RIN3: variants seen among roughly 807,000 people sequenced by gnomAD.
RIN3 encodes Ras and Rab interactor 3, also known as RAB5 interacting protein 3.
Under a neutral mutation model 76.3 loss-of-function variants are expected in RIN3, and 54 were observed. The observed-to-expected ratio is 0.71, with a 90% CI of 0.57 to 0.89. The LOEUF (loss-of-function observed/expected upper bound fraction) is 0.89. Among genes scored for constraint, RIN3 ranks in the 40% least tolerant of loss-of-function variants. RIN3 has a pLI of 0.00. For synonymous variants in RIN3, 576 were observed against 564.0 expected, an observed-to-expected ratio of 1.02 and a Z score of -0.30; for missense variants, 1,256 against 1,322.1, an observed-to-expected ratio of 0.95 and a Z score of 0.78.
chr14:92,659,445 G>C lies in RIN3; in HGVS notation c.2311G>C (p.Asp771His). ...ILLKTCKLIY[D>H]SMALGNPGKP... ...GCTCAAGACCTGCAAACTCATCTAC[G>C]ACTCCATGGCCCTCGGCAACCCAGG... is the stretch of plus-strand genomic sequence containing the variant. The change falls in exon 7 of 10, where the codon GAC (aspartate) becomes CAC (histidine). Residue 771 changes from aspartate (D) to histidine (H), a missense_variant. This residue lies in a region of RIN3 where 428 missense variants were observed against 521.2 expected (regional missense o/e 0.82). Coordinates refer to ENST00000216487, the MANE Select transcript of RIN3 (RefSeq NM_024832.5). The C allele has an allele frequency of 6.2e-7, 1 of 1,610,020 alleles. No individual in the cohort carries two copies. Among genetic ancestry groups the C allele is most frequent in the Non-Finnish European group, 8.5e-7 (1 of 1,177,846 alleles).
At chr14:92,562,486 C>T (rs1897804021) in intron 2 of RIN3, among the ~76,000 whole-genome samples, 1 of 152,180 alleles carries the variant, frequency 6.6e-6, no homozygotes. Flanking sequence ...AGAGATTTGC[C>T]TCTTCTCTCC....
At chr14:92,527,073 CAG>C (rs1171090429) in intron 1 of RIN3, among the ~76,000 whole-genome samples, 1 of 119,708 alleles carries the variant, frequency 8.4e-6, no homozygotes, top group Non-Finnish European at 1.6e-5. Context: ...TTTTTTGAGA[CAG>C]AGTCTCGCTC....
intron 3 of RIN3, among the ~76,000 whole-genome samples, chr14:92,607,959 G>A (rs907527173): frequency 6.6e-6 from 1 of 152,252 alleles, no homozygotes; most frequent in African/African-American, 2.4e-5. Flanking sequence ...TATGATGTTT[G>A]TGAAATAATG....
At chr14:92,605,983 T>G (rs988223715) in intron 3 of RIN3, among the ~76,000 whole-genome samples, 1 of 152,104 alleles carries the variant, frequency 6.6e-6, no homozygotes, top group African/African-American at 2.4e-5. Context: ...TATTTTATTC[T>G]TAAATATTGG....
rs1317356710 is a variant in RIN3, at chr14:92,681,756, C to A, written c.2468-3231C>A. Among the ~76,000 whole-genome samples, 1 of 152,194 alleles carries A rather than the reference C, an allele frequency of 6.6e-6. No homozygotes were observed. The highest frequency in any genetic ancestry group is 2.4e-5 in the African/African-American group (1 of 41,430). ...GGGGGCACCAGAGCCGACTTCCTGG[C>A]CTGGGGCTTTAAACCTAACTTAAAA... On this transcript the variant is annotated intron_variant, in intron 8 of 9. Coordinates refer to ENST00000216487, the MANE Select transcript of RIN3 (RefSeq NM_024832.5). This position sits in a 1 kb window ranked among gnomAD's most constrained non-coding sequence, Gnocchi z 4.7.
intron 1 of RIN3, among the ~76,000 whole-genome samples, chr14:92,543,612 CTTTTGCTTTTTTT>C (rs1289608066): frequency 7.6e-6 from 1 of 131,670 alleles, no homozygotes; most frequent in Non-Finnish European, 1.6e-5. Context: ...CACATCAAGG[CTTTTGCTTTTTTT>C]TTTTTTTTTT....
At chr14:92,526,677 T>A (rs1048771098) in intron 1 of RIN3, among the ~76,000 whole-genome samples, 2 of 151,700 alleles carry the variant, frequency 1.3e-5, no homozygotes, top group Admixed American at 1.3e-4. Context: ...CGCTTGAACC[T>A]GGGAGGCAGA....
intron 3 of RIN3, among the ~76,000 whole-genome samples, chr14:92,597,654 C>T (rs1242479797): frequency 6.6e-6 from 1 of 152,126 alleles, no homozygotes; most frequent in Non-Finnish European, 1.5e-5. Flanking sequence ...TACTGGATTT[C>T]TGTTAGTTCT....
At chr14:92,615,531 T>G (rs552723241) in intron 4 of RIN3, 52 bp downstream of exon 4, 3 of 1,486,184 alleles carry the variant, frequency 2.0e-6, no homozygotes, top group African/African-American at 1.4e-5. Context: ...AAACATCACA[T>G]GCAACCCTGG....
chr14:92,604,324 G>T (rs556873713), intron 3 of RIN3, among the ~76,000 whole-genome samples: 1 of 152,340 alleles, frequency 6.6e-6, no homozygotes, highest in East Asian at 1.9e-4. Context: ...TTTCCTGTCA[G>T]GGACCCAGCT....
intron 4 of RIN3, among the ~76,000 whole-genome samples, chr14:92,616,702 G>A (rs1885982727): frequency 6.6e-6 from 1 of 152,210 alleles, no homozygotes. Flanking sequence ...TTGATGGGCA[G>A]GGTTGGTGTA....
At chr14:92,553,328 G>A (rs1375269601) in intron 1 of RIN3, among the ~76,000 whole-genome samples, 1 of 152,162 alleles carries the variant, frequency 6.6e-6, no homozygotes, top group Non-Finnish European at 1.5e-5. Context: ...GTTTCCAAGT[G>A]GGGTTAGAGG....
In RIN3 at chr14:92,594,068, G is replaced by A. The variant is rs190128871; in HGVS notation, c.367+16591G>A. Among the ~76,000 whole-genome samples, 31 of 152,140 alleles carry A rather than the reference G, an allele frequency of 2.0e-4. No individual in the cohort carries two copies. The East Asian group carries it at 4.4e-3, about 22-fold the overall frequency. On this transcript the variant is annotated intron_variant, in intron 3 of 9. Coordinates refer to ENST00000216487, the MANE Select transcript of RIN3 (RefSeq NM_024832.5). ...ATAACAGAATGCACATTCTTTTGAA[G>A]CCCACCTGGAACATTCACCAAGATA...
At position 92,623,504 on chromosome 14, in the gene RIN3, C is replaced by T. The variant is rs1030371241; in HGVS notation, c.440+8025C>T. 2.6e-5 allele frequency among the ~76,000 whole-genome samples: 4 copies of T among 152,180 alleles called. No individual in the cohort carries two copies. Among genetic ancestry groups the T allele is most frequent in the Admixed American group, 6.5e-5 (1 of 15,286 alleles). On this transcript the variant is annotated intron_variant, in intron 4 of 9. Transcript: ENST00000216487. This position sits in a 1 kb window ranked among gnomAD's most constrained non-coding sequence, Gnocchi z 4.9. ...TTCAAATCCTGCAGCTACTGGGTCT[C>T]GGGCTTTGAATCTATCAGGTACCCC...
chr14:92,604,971 C>G (rs541994983), intron 3 of RIN3, among the ~76,000 whole-genome samples: 2 of 135,430 alleles, frequency 1.5e-5, no homozygotes, highest in Non-Finnish European at 3.1e-5. Flanking sequence ...CTCTGTCACG[C>G]AGGCTGGACC....
intron 8 of RIN3, among the ~76,000 whole-genome samples, chr14:92,682,219 T>C (rs931183814): frequency 6.6e-6 from 1 of 152,140 alleles, no homozygotes; most frequent in Admixed American, 6.5e-5. Flanking sequence ...AAAGGGTGGG[T>C]GATCCTGTGG....
At chr14:92,576,092 C>T in intron 2 of RIN3, 2 of 528,482 alleles carry the variant, frequency 3.8e-6, no homozygotes, top group South Asian at 4.0e-5. Context: ...GAGGGGAAGA[C>T]ATGGACCAAG....
chr14:92,611,663 C>T (rs1490193083), intron 3 of RIN3, among the ~76,000 whole-genome samples: 1 of 152,170 alleles, frequency 6.6e-6, no homozygotes, highest in Admixed American at 6.5e-5. Context: ...CAAATAAGGT[C>T]ATATTCACGT....
At position 92,555,922 on chromosome 14, in the gene RIN3, G is replaced by A. The variant is rs1435660578; in HGVS notation, c.216G>A (p.Glu72=). Residue 72 remains glutamate (E), a synonymous_variant, in exon 2 of 10, where the codon GAG becomes GAA. Coordinates refer to ENST00000216487, the MANE Select transcript of RIN3 (RefSeq NM_024832.5). ...TGCAGCTGAGTCTGGGCCAGGCAGA[G>A]GTGGCCAGGATCCTGCACCGGGTGG... ...VWLQLSLGQA[E]VARILHRVVA... is the part of the protein sequence containing the mutation. 13 of 1,613,346 alleles carry A rather than the reference G, an allele frequency of 8.1e-6. No homozygotes were observed. The highest frequency in any genetic ancestry group is 1.3e-5 in the African/African-American group (1 of 74,896).
Sources: allele counts gnomAD v4.1 joint callset (sites outside exome capture counted in the v4.1 genomes callset), GRCh38; gene constraint gnomAD v4.1.1; regional missense constraint gnomAD v4.1.1; non-coding constraint Gnocchi (gnomAD v3.1); transcripts MANE v1.5; gene names NCBI Gene and HGNC (gene_info 2026-07-23, HGNC 2026-07-21).